Variants in AFDN observed in about 807,000 individuals in gnomAD.
The protein encoded by AFDN is afadin, adherens junction formation factor, also known as afadin.
AFDN carries 68 observed loss-of-function variants against 216.6 expected under a neutral mutation model. The ratio of observed to expected loss-of-function variants is 0.31; its 90% confidence interval spans 0.26 to 0.38. The LOEUF (loss-of-function observed/expected upper bound fraction) is 0.38, where lower values mean the gene tolerates loss of function less well. Among genes scored for constraint, AFDN ranks in the 10% least tolerant of loss-of-function variants. The probability of loss-of-function intolerance (pLI) is 1.00; values close to 1 mark genes in which losing one functional copy is unlikely to be tolerated. For missense variants in AFDN, 2,136 were observed against 2,342.0 expected (o/e 0.91, Z 1.82); for synonymous variants, 868 against 853.7 (o/e 1.02, Z -0.29).
chr6:167,829,354 T>C (rs1304427578), intron 1 of AFDN, among the ~76,000 whole-genome samples: 2 of 152,196 alleles, frequency 1.3e-5, no homozygotes, highest in African/African-American at 2.4e-5. Flanking sequence ...TATCTTTTAT[T>C]ATGATGTAGG....
intron 1 of AFDN, chr6:167,827,627 G>A (rs1259758925): frequency 3.3e-5 from 5 of 150,068 alleles, no homozygotes; most frequent in Admixed American, 1.3e-4. Flanking sequence ...TCCACCTGCA[G>A]CCCGGTTGTG....
At chr6:167,894,338 G>A (rs917118705) in intron 9 of AFDN, among the ~76,000 whole-genome samples, 2 of 152,154 alleles carry the variant, frequency 1.3e-5, no homozygotes, top group South Asian at 2.1e-4. Context: ...GCTCTTCAAG[G>A]TGCTCCAGAT....
rs1303804446 is a variant in AFDN, at chr6:167,966,016, A to T, written c.5228A>T (p.Glu1743Val). The T allele has an allele frequency of 1.3e-6, 2 of 1,547,446 alleles. No homozygotes were observed. Among genetic ancestry groups the T allele is most frequent in the Non-Finnish European group, 1.7e-6 (2 of 1,146,048 alleles). ...FTAKFVAYNE[E>V]EEEEDCSLAG... ...GCCAAGTTTGTTGCATACAATGAGG[A>T]GGAGGAGGAGGAGGACTGCAGCCTA... Residue 1743 changes from glutamate to valine, a missense_variant, in exon 32 of 34, where the codon GAG (glutamate) becomes GTG (valine). Physicochemically the swap from Glu to Val is moderately radical, Grantham distance 121. Around this residue, in one of 8 missense-constraint regions of AFDN, gnomAD observed 981 missense variants for 966.0 expected, o/e 1.02. Coordinates refer to ENST00000683244, the MANE Select transcript of AFDN (RefSeq NM_001386888.1).
chr6:167,921,539 C>T (rs1258329966), intron 21 of AFDN, among the ~76,000 whole-genome samples: 2 of 152,118 alleles, frequency 1.3e-5, no homozygotes, highest in Non-Finnish European at 2.9e-5. Flanking sequence ...TTCCTTCATA[C>T]AATACAGTTC....
In AFDN at chr6:167,830,933, CTTTTTTTTT is replaced by C. The variant is rs71681602; in HGVS notation, c.105+3714_105+3722del. ...TCATACAACTGAACTATATTTGAAA[CTTTTTTTTT>C]TTTTTTTTTTTTTTTTTGAGTCAGA... On this transcript the variant is annotated intron_variant, in intron 1 of 33. Transcript: ENST00000683244. Among the ~76,000 whole-genome samples, 14 of 79,338 alleles carry C rather than the reference CTTTTTTTTT, an allele frequency of 1.8e-4. 1 individual carries two copies. Among genetic ancestry groups the C allele is most frequent in the East Asian group, 1.3e-3 (3 of 2,230 alleles). The allele number at this position is 79,338 out of a possible 152,430, so 52.0% of individuals were successfully genotyped here. A position where few individuals can be genotyped will look rare whatever the true frequency, so the allele number is the denominator to read the frequency against.
chr6:167,971,060 TG>T lies in AFDN; in HGVS notation c.*1126del, dbSNP rs756076443. On this transcript the variant is annotated 3_prime_UTR_variant, in exon 34 of 34. Transcript: ENST00000683244. ...ACTGTCATTTCTTCAGCTATGGATA[TG>T]TGGCTGATGTTGGGGAGACGGACCT... The T allele has an allele frequency of 2.3e-5, 5 of 219,304 alleles. No homozygotes were observed. Among genetic ancestry groups the T allele is most frequent in the African/African-American group, 2.2e-5 (1 of 44,606 alleles). 13.6% of individuals were successfully genotyped at this position (219,304 alleles called of 1,614,324 possible).
chr6:167,835,567 T>C (rs1481318432), intron 1 of AFDN, among the ~76,000 whole-genome samples: 4 of 152,238 alleles, frequency 2.6e-5, no homozygotes, highest in Non-Finnish European at 1.5e-5. Context: ...TTTTTTTCTG[T>C]TGTACCAAAG....
Position 167,971,038 on chromosome 6 carries a change from G to A in AFDN, c.*1103G>A, listed in dbSNP as rs1228935577. The A allele has an allele frequency of 4.6e-6, 1 of 217,720 alleles. No homozygotes were observed. The highest frequency in any genetic ancestry group is 1.9e-4 in the South Asian group (1 of 5,398). 13.5% of individuals were successfully genotyped at this position (217,720 alleles called of 1,614,324 possible). A position where few individuals can be genotyped will look rare whatever the true frequency, so the allele number is the denominator to read the frequency against. On this transcript the variant is annotated 3_prime_UTR_variant, in exon 34 of 34. Coordinates refer to ENST00000683244, the MANE Select transcript of AFDN (RefSeq NM_001386888.1). Reference sequence around the variant, plus strand: ...ATTTGTTGAATTATTAGTTACCACTGTCATTTCTTCAGCTATGGATATGTG... The same window carrying A: ...ATTTGTTGAATTATTAGTTACCACTATCATTTCTTCAGCTATGGATATGTG...
At chr6:167,848,222 A>G (rs1260279840) in intron 1 of AFDN, among the ~76,000 whole-genome samples, 2 of 152,204 alleles carry the variant, frequency 1.3e-5, no homozygotes, top group Non-Finnish European at 2.9e-5. Context: ...TTCCATGCCT[A>G]GCAGTGATTC....
chr6:167,968,117 T>C (rs1374837767), intron 32 of AFDN, among the ~76,000 whole-genome samples: 1 of 152,220 alleles, frequency 6.6e-6, no homozygotes, highest in Non-Finnish European at 1.5e-5. Flanking sequence ...GAAGCCAGTA[T>C]CATTCTTAAA....
rs772678870 is a variant in AFDN, at chr6:167,889,255, G to T, written c.938G>T (p.Gly313Val). The change falls in exon 7 of 34, where the codon GGT becomes GTT. Residue 313 changes from glycine to valine, a missense_variant. Gly to Val is a moderately radical substitution (Grantham distance 109). This residue lies in a region of AFDN where 817 missense variants were observed against 965.7 expected (regional missense o/e 0.85). Transcript: ENST00000683244. ...PPGAQHSDEKGAKEIILDDDE... is the reference protein window; with the variant it reads ...PPGAQHSDEKVAKEIILDDDE... Reference sequence around the variant, plus strand: ...GGAGCCCAGCATTCTGATGAAAAGGGTGCTAAAGAAATTATTCTTGATGAT... The same window carrying T: ...GGAGCCCAGCATTCTGATGAAAAGGTTGCTAAAGAAATTATTCTTGATGAT... 1 of 1,613,836 alleles carries T rather than the reference G, an allele frequency of 6.2e-7. No homozygotes were observed. The highest frequency in any genetic ancestry group is 1.7e-5 in the Admixed American group (1 of 59,986).
At chr6:167,907,564 A>T (rs574418366) in intron 13 of AFDN, among the ~76,000 whole-genome samples, 2 of 152,238 alleles carry the variant, frequency 1.3e-5, no homozygotes, top group African/African-American at 4.8e-5. Flanking sequence ...TTGTAAAAAC[A>T]TAGAGAAAGG....
rs555951828 is a variant in AFDN at position 167,862,336 on chromosome 6, A to G, written c.106-2215A>G. ...TATTACCTAAGACTCACAGGTTTAT[A>G]GTGTAGGAGCATGTTTCGCATGCAT... is the stretch of plus-strand genomic sequence containing the variant. On this transcript the variant is annotated intron_variant, in intron 1 of 33. Transcript: ENST00000683244. 3.8e-4 allele frequency among the ~76,000 whole-genome samples: 58 copies of G among 151,904 alleles called. No individual in the cohort carries two copies. The Middle Eastern group carries it at 0.017, about 45-fold the overall frequency.
At chr6:167,878,713 T>G (rs1785732120) in intron 5 of AFDN, among the ~76,000 whole-genome samples, 1 of 152,204 alleles carries the variant, frequency 6.6e-6, no homozygotes, top group Admixed American at 6.5e-5. Flanking sequence ...GGAAGTCCTG[T>G]ATGATCTGGT....
chr6:167,901,685 C>T (rs943228111), intron 11 of AFDN, among the ~76,000 whole-genome samples: 4 of 152,082 alleles, frequency 2.6e-5, no homozygotes, highest in South Asian at 2.1e-4. Flanking sequence ...TAAATAGGGC[C>T]GCCGGCACTT....
rs752837797 is a variant in AFDN at position 167,952,042 on chromosome 6, G to A, written c.4688G>A (p.Arg1563Gln). ...KPDRSAEESD[R>Q]LRKLMLEWQF... The stretch of plus-strand genomic sequence containing the variant: ...GACCGCAGCGCCGAGGAGAGCGACC[G>A]GCTGCGCAAGCTCATGCTGGAGTGG... The change falls in exon 30 of 34, where the codon CGG becomes CAG. Residue 1563 changes from arginine to glutamine, a missense_variant. Around this residue, in one of 8 missense-constraint regions of AFDN, gnomAD observed 981 missense variants for 966.0 expected, o/e 1.02. Coordinates refer to ENST00000683244, the MANE Select transcript of AFDN (RefSeq NM_001386888.1). The A allele has an allele frequency of 3.7e-6, 6 of 1,614,186 alleles. No individual in the cohort carries two copies. The highest frequency in any genetic ancestry group is 2.2e-5 in the East Asian group (1 of 44,874).
At chr6:167,889,181 G>A in intron 6 of AFDN, 34 bp from the exon 7 acceptor site, 3 of 1,421,042 alleles carry the variant, frequency 2.1e-6, no homozygotes, top group Non-Finnish European at 2.0e-6. Context: ...AGTTACTTTG[G>A]CACATTCATA....
At chr6:167,898,048 T>G (rs1383473072) in intron 10 of AFDN, among the ~76,000 whole-genome samples, 157 bp from the exon 11 acceptor site, 2 of 152,162 alleles carry the variant, frequency 1.3e-5, no homozygotes, top group African/African-American at 4.8e-5. Context: ...TTAATTATTT[T>G]TATACGATTG....
At chr6:167,955,944 G>A (rs1170774455) in intron 30 of AFDN, among the ~76,000 whole-genome samples, 2 of 151,490 alleles carry the variant, frequency 1.3e-5, no homozygotes, top group South Asian at 2.1e-4. Context: ...GTGAAACCTC[G>A]TCTCTACTAA....
Sources: gnomAD v4.1 joint callset for allele counts (sites outside exome capture counted in the v4.1 genomes callset) on GRCh38, gnomAD v4.1.1 for gene constraint, gnomAD v4.1.1 regional missense constraint, MANE v1.5 for transcripts, NCBI Gene and HGNC (gene_info 2026-07-23, HGNC 2026-07-21) for gene names.